GRIA4: variants seen among roughly 807,000 people sequenced by gnomAD.
GRIA4 encodes glutamate ionotropic receptor AMPA type subunit 4.
In GRIA4, 34 loss-of-function variants were observed where a neutral mutation model predicts 104.0. That is an observed-to-expected ratio of 0.33 (90% CI 0.25 to 0.44). The LOEUF is 0.44. Ranked by LOEUF, GRIA4 falls within the 20% of genes least tolerant of loss-of-function variation. The pLI is 1.00. For synonymous variants in GRIA4, 386 were observed against 381.9 expected, an observed-to-expected ratio of 1.01 and a Z score of -0.13; for missense variants, 750 against 1,096.5, an observed-to-expected ratio of 0.68 and a Z score of 4.46.
intron 3 of GRIA4, among the ~76,000 whole-genome samples, chr11:105,687,871 T>G (rs1312393511): frequency 6.6e-6 from 1 of 152,208 alleles, no homozygotes; most frequent in Non-Finnish European, 1.5e-5. Context: ...CCTTAAAGTT[T>G]CTAGATATGT....
intron 14 of GRIA4, among the ~76,000 whole-genome samples, chr11:105,945,909 C>A (rs1003383444): frequency 7.2e-5 from 11 of 151,950 alleles, no homozygotes; most frequent in Non-Finnish European, 1.0e-4. Flanking sequence ...AAATCCAAAG[C>A]ATTTTTATAC....
intron 4 of GRIA4, among the ~76,000 whole-genome samples, chr11:105,774,802 G>A (rs1395825769): frequency 6.6e-6 from 1 of 152,018 alleles, no homozygotes; most frequent in African/African-American, 2.4e-5. Flanking sequence ...TAATCATTTG[G>A]TTATTTGAAA....
chr11:105,894,369 C>A (rs1462593609), intron 6 of GRIA4, among the ~76,000 whole-genome samples: 4 of 152,012 alleles, frequency 2.6e-5, no homozygotes, highest in Admixed American at 1.3e-4. Flanking sequence ...CCCCCCCGAG[C>A]CTGTTTTCAT....
intron 3 of GRIA4, among the ~76,000 whole-genome samples, chr11:105,732,508 A>C (rs1273832509): frequency 6.6e-6 from 1 of 152,126 alleles, no homozygotes. Context: ...GTGCTGCTAG[A>C]ACTCCTCAGT....
rs71041629 is a variant in GRIA4, at chr11:105,794,473, GTATATATATA to G, written c.487+41284_487+41293del. Among the ~76,000 whole-genome samples the G allele has an allele frequency of 2.4e-3, 105 of 43,886 alleles. 4 individuals are homozygous for G. Among genetic ancestry groups the G allele is most frequent in the African/African-American group, 8.2e-3 (82 of 9,974 alleles). The allele number at this position is 43,886 out of a possible 152,430, so 28.8% of individuals were successfully genotyped here. A position where few individuals can be genotyped will look rare whatever the true frequency, so the allele number is the denominator to read the frequency against. ...TGTGTCTGTGTGTGTGTATATGTATGTATATATATATATATATATATATATATATATATAT... is the reference window on the plus strand; with the variant it reads ...TGTGTCTGTGTGTGTGTATATGTATGTATATATATATATATATATATATAT... On this transcript the variant is annotated intron_variant, in intron 4 of 16. Coordinates refer to ENST00000282499, the MANE Select transcript of GRIA4 (RefSeq NM_000829.4).
intron 4 of GRIA4, among the ~76,000 whole-genome samples, chr11:105,762,760 T>C (rs908053324): frequency 6.6e-6 from 1 of 152,158 alleles, no homozygotes; most frequent in East Asian, 1.9e-4. Flanking sequence ...CCTCCTGCCA[T>C]GTAAGATGTC....
intron 3 of GRIA4, among the ~76,000 whole-genome samples, chr11:105,695,818 A>T (rs1422340443): frequency 6.6e-6 from 1 of 152,056 alleles, no homozygotes; most frequent in Non-Finnish European, 1.5e-5. Context: ...TGGAAGCCAA[A>T]CTCTAGAGGC....
At chr11:105,899,627 C>T (rs1241513709) in intron 7 of GRIA4, among the ~76,000 whole-genome samples, 1 of 152,146 alleles carries the variant, frequency 6.6e-6, no homozygotes. Flanking sequence ...CAGTTATGTT[C>T]TATAAAGTCT....
chr11:105,822,027 G>A (rs999624235), intron 4 of GRIA4, among the ~76,000 whole-genome samples: 15 of 152,064 alleles, frequency 9.9e-5, no homozygotes, highest in African/African-American at 1.4e-4. Flanking sequence ...AACAATTTGC[G>A]TTACAAAGAG....
At chr11:105,676,156 C>T (rs1467873423) in intron 3 of GRIA4, among the ~76,000 whole-genome samples, 1 of 151,486 alleles carries the variant, frequency 6.6e-6, no homozygotes, top group Non-Finnish European at 1.5e-5. Context: ...ATTGGAAAAA[C>T]TAAGGAGTAG....
chr11:105,656,087 T>G (rs188956419), intron 3 of GRIA4, among the ~76,000 whole-genome samples: 1 of 152,208 alleles, frequency 6.6e-6, no homozygotes, highest in Non-Finnish European at 1.5e-5. Context: ...TGACCAGTGA[T>G]GATGAGCTTC....
chr11:105,911,420 G>A (rs1281218152), intron 10 of GRIA4, among the ~76,000 whole-genome samples: 1 of 151,818 alleles, frequency 6.6e-6, no homozygotes. Flanking sequence ...TATATACTCA[G>A]CTCACGTCTC....
intron 3 of GRIA4, among the ~76,000 whole-genome samples, chr11:105,720,848 C>T (rs1485299337): frequency 1.3e-5 from 2 of 152,100 alleles, no homozygotes; most frequent in African/African-American, 4.8e-5. Flanking sequence ...GGAATAGTGT[C>T]CCCCAGTCCC....
chr11:105,624,084 T>C (rs1203470868), intron 3 of GRIA4, among the ~76,000 whole-genome samples: 1 of 152,106 alleles, frequency 6.6e-6, no homozygotes, highest in Non-Finnish European at 1.5e-5. Context: ...CCAAAATAAA[T>C]ATTACATATT....
At chr11:105,769,006 T>C (rs994510108) in intron 4 of GRIA4, among the ~76,000 whole-genome samples, 5 of 151,664 alleles carry the variant, frequency 3.3e-5, no homozygotes, top group Non-Finnish European at 7.4e-5. Context: ...TGAAATAGAG[T>C]AGAAGAGGTG....
intron 15 of GRIA4, 61 bp downstream of exon 15, chr11:105,972,089 G>C (rs1456606990): frequency 2.0e-6 from 2 of 986,154 alleles, no homozygotes; most frequent in Non-Finnish European, 3.2e-6. Flanking sequence ...GGGAGCAATT[G>C]TCAAAAGTAT....
intron 14 of GRIA4, among the ~76,000 whole-genome samples, chr11:105,964,770 G>A (rs1262357): frequency 0.65 from 97,154 of 150,352 alleles, 31,500 homozygotes; most frequent in Middle Eastern, 0.72. Context: ...ATGGGAGGCA[G>A]AAGCCCATGA....
chr11:105,936,105 T>C (rs1184973048), intron 14 of GRIA4, among the ~76,000 whole-genome samples: 1 of 152,146 alleles, frequency 6.6e-6, no homozygotes, highest in Non-Finnish European at 1.5e-5. Context: ...CTGACCAGCA[T>C]GCACCTCACC....
intron 3 of GRIA4, among the ~76,000 whole-genome samples, chr11:105,751,496 T>C (rs1939995746): frequency 6.6e-6 from 1 of 152,194 alleles, no homozygotes; most frequent in African/African-American, 2.4e-5. Context: ...GCCAGTCACA[T>C]TGTCAGAGCA....
Sources: allele counts gnomAD v4.1 joint callset (sites outside exome capture counted in the v4.1 genomes callset), GRCh38; gene constraint gnomAD v4.1.1; transcripts MANE v1.5; gene names NCBI Gene and HGNC (gene_info 2026-07-23, HGNC 2026-07-21).